Variants in CD58 observed in about 807,000 individuals in gnomAD.
CD58 encodes the protein CD58 molecule, also known as lymphocyte function-associated antigen 3.
In CD58, 14 loss-of-function variants were observed where a neutral mutation model predicts 27.6. That is an observed-to-expected ratio of 0.51 (90% CI 0.34 to 0.79). CD58 has a LOEUF of 0.79. Ranked by LOEUF, CD58 falls within the 30% of genes least tolerant of loss-of-function variation. CD58 has a pLI of 0.02. For missense variants in CD58, 268 were observed against 301.7 expected, an observed-to-expected ratio of 0.89 and a Z score of 0.83; for synonymous variants, 117 against 103.8, an observed-to-expected ratio of 1.13 and a Z score of -0.77.
intron 3 of CD58, among the ~76,000 whole-genome samples, chr1:116,525,599 A>C (rs1657403657): frequency 6.6e-6 from 1 of 152,234 alleles, no homozygotes; most frequent in South Asian, 2.1e-4. Context: ...CAGTTTTGTA[A>C]GAAACTGCCA....
chr1:116,535,486 C>T (rs1657764033), intron 3 of CD58, among the ~76,000 whole-genome samples: 1 of 152,174 alleles, frequency 6.6e-6, no homozygotes, highest in Non-Finnish European at 1.5e-5. Context: ...TAGAATGGTG[C>T]TCAACACAGA....
At chr1:116,539,996 G>A (rs1424094626) in intron 2 of CD58, among the ~76,000 whole-genome samples, 3 of 152,074 alleles carry the variant, frequency 2.0e-5, no homozygotes, top group South Asian at 4.1e-4. Flanking sequence ...ATATTTTCAC[G>A]AATTTTAGTA....
chr1:116,532,957 CGGCT>C lies in CD58; in HGVS notation c.628+3004_628+3007del. On this transcript the variant is annotated intron_variant, in intron 3 of 5. Coordinates refer to ENST00000369489, the MANE Select transcript of CD58 (RefSeq NM_001779.3). This position sits in a 1 kb window ranked among gnomAD's most constrained non-coding sequence, Gnocchi z 5.1. ...CTTCCTACTGCTGCTTGCATTCCGCCGGCTGGCTGGGTTCCTTGTTGGGATTAAT... is the reference window on the plus strand; with the variant it reads ...CTTCCTACTGCTGCTTGCATTCCGCCGGCTGGGTTCCTTGTTGGGATTAAT... 9.3e-7 allele frequency: 1 copy of C among 1,070,536 alleles called. No homozygotes were observed. Among genetic ancestry groups the C allele is most frequent in the Non-Finnish European group, 1.4e-6 (1 of 728,054 alleles). 66.3% of individuals were successfully genotyped at this position (1,070,536 alleles called of 1,614,324 possible).
At chr1:116,535,483 G>T (rs942642704) in intron 3 of CD58, among the ~76,000 whole-genome samples, 7 of 152,186 alleles carry the variant, frequency 4.6e-5, no homozygotes, top group African/African-American at 1.7e-4. Context: ...TATTAGAATG[G>T]TGCTCAACAC....
In CD58 at chr1:116,563,148, C is replaced by T. The variant is rs1253280956; in HGVS notation, c.70+7755G>A. Among the ~76,000 whole-genome samples the T allele has an allele frequency of 6.6e-6, 1 of 152,210 alleles. No individual in the cohort carries two copies. The highest frequency in any genetic ancestry group is 1.5e-5 in the Non-Finnish European group (1 of 68,036). ...AAAGGGCTACAGGCCCCATGCAAGT[C>T]CTAAATCCAATAGGGCAGTCTTAAA... is the stretch of plus-strand genomic sequence containing the variant. On this transcript the variant is annotated intron_variant, in intron 1 of 5. Transcript: ENST00000369489. This position sits in a 1 kb window ranked among gnomAD's most constrained non-coding sequence, Gnocchi z 4.1.
chr1:116,519,006 C>T lies in CD58; in HGVS notation c.743+225G>A, dbSNP rs1657180365. Reference sequence around the variant, plus strand: ...GGGGTATGATACTCCTCCTGCAAGGCTCATTGAGAGGGTTCCAGGAAACGA... The same window carrying T: ...GGGGTATGATACTCCTCCTGCAAGGTTCATTGAGAGGGTTCCAGGAAACGA... On this transcript the variant is annotated intron_variant, in intron 5 of 5. Transcript: ENST00000369489. This position sits in a 1 kb window ranked among gnomAD's most constrained non-coding sequence, Gnocchi z 4.7. The T allele has an allele frequency of 9.0e-7, 1 of 1,107,866 alleles. No homozygotes were observed. Among genetic ancestry groups the T allele is most frequent in the African/African-American group, 1.6e-5 (1 of 63,072 alleles). 68.6% of individuals were successfully genotyped at this position (1,107,866 alleles called of 1,614,324 possible).
rs556060349 is a variant in CD58, at chr1:116,517,357, C to T, written c.743+1874G>A. On this transcript the variant is annotated intron_variant, in intron 5 of 5. Coordinates refer to ENST00000369489, the MANE Select transcript of CD58 (RefSeq NM_001779.3). This position sits in a 1 kb window ranked among gnomAD's most constrained non-coding sequence, Gnocchi z 6.5. ...GGTCCTCCCAGCTTGGGTCTGTGGCCGGCTGAGCTGCCCCTTGTACTTCCT... is the reference window on the plus strand; with the variant it reads ...GGTCCTCCCAGCTTGGGTCTGTGGCTGGCTGAGCTGCCCCTTGTACTTCCT... Among the ~76,000 whole-genome samples the T allele has an allele frequency of 3.3e-5, 5 of 152,264 alleles. No individual in the cohort carries two copies. The highest frequency in any genetic ancestry group is 2.0e-4 in the Admixed American group (3 of 15,298).
Position 116,544,599 on chromosome 1 carries a change from T to C in CD58, c.76A>G (p.Ile26Val). The C allele has an allele frequency of 1.9e-6, 3 of 1,576,772 alleles. No homozygotes were observed. Among genetic ancestry groups the C allele is most frequent in the East Asian group, 4.5e-5 (2 of 44,430 alleles). ...TATATTTGTTGGGAAAAACAGCTGATGAAACCTAGGAGAGAAAAAAAAATT... is the reference window on the plus strand; with the variant it reads ...TATATTTGTTGGGAAAAACAGCTGACGAAACCTAGGAGAGAAAAAAAAATT... ...VVCLLHCFGFISCFSQQIYGV... is the reference protein window; with the variant it reads ...VVCLLHCFGFVSCFSQQIYGV... The change falls in exon 2 of 6, where the codon ATC becomes GTC. Residue 26 changes from isoleucine to valine, a missense_variant. Physicochemically the swap from Ile to Val is conservative, Grantham distance 29. Coordinates refer to ENST00000369489, the MANE Select transcript of CD58 (RefSeq NM_001779.3).
chr1:116,562,509 G>C (rs1571091403), intron 1 of CD58, among the ~76,000 whole-genome samples: 1 of 152,086 alleles, frequency 6.6e-6, no homozygotes, highest in Non-Finnish European at 1.5e-5. Context: ...GAGATGGGGT[G>C]TATTAGTCCA....
intron 1 of CD58, among the ~76,000 whole-genome samples, chr1:116,551,477 C>G (rs1658388617): frequency 6.6e-6 from 1 of 152,326 alleles, no homozygotes; most frequent in South Asian, 2.1e-4. Flanking sequence ...TCAGCCTTCA[C>G]AGAACTAAAG....
rs191789110 is a variant in CD58, at chr1:116,524,146, C to A, written c.629-2163G>T. 8.7e-4 allele frequency among the ~76,000 whole-genome samples: 132 copies of A among 152,248 alleles called. No individual in the cohort carries two copies. Among genetic ancestry groups the A allele is most frequent in the African/African-American group, 3.1e-3 (130 of 41,532 alleles). On this transcript the variant is annotated intron_variant, in intron 3 of 5. Coordinates refer to ENST00000369489, the MANE Select transcript of CD58 (RefSeq NM_001779.3). This position sits in a 1 kb window ranked among gnomAD's most constrained non-coding sequence, Gnocchi z 4.6. ...TACTCAAGGCTTATTTTAATGCATT[C>A]CATGCCCCAGGTATGGAATCAGCCA...
At chr1:116,560,801 T>C (rs1658727079) in intron 1 of CD58, among the ~76,000 whole-genome samples, 1 of 152,216 alleles carries the variant, frequency 6.6e-6, no homozygotes. Flanking sequence ...TGTTTTCCCC[T>C]CCTTTTCTAG....
Position 116,514,746 on chromosome 1 carries a change from A to T in CD58, c.*67T>A. ...TCAAAAATTGTAATACTCAAATGAG[A>T]AATCAGATGGCTTTTTAGTTTTTAA... On this transcript the variant is annotated 3_prime_UTR_variant, in exon 6 of 6. Transcript: ENST00000369489. 1 of 1,051,088 alleles carries T rather than the reference A, an allele frequency of 9.5e-7. No homozygotes were observed. Among genetic ancestry groups the T allele is most frequent in the South Asian group, 1.4e-5 (1 of 70,942 alleles). The allele number at this position is 1,051,088 out of a possible 1,614,324, so 65.1% of individuals were successfully genotyped here.
At chr1:116,530,341 G>T (rs1657560696) in intron 3 of CD58, among the ~76,000 whole-genome samples, 1 of 152,008 alleles carries the variant, frequency 6.6e-6, no homozygotes, top group Non-Finnish European at 1.5e-5. Flanking sequence ...AAGTAGCTGG[G>T]ACTACAGGTG....
In CD58 at chr1:116,546,549, C is replaced by A. The variant is rs1259163598; in HGVS notation, c.71-1945G>T. Among the ~76,000 whole-genome samples, 1 of 152,102 alleles carries A rather than the reference C, an allele frequency of 6.6e-6. No individual in the cohort carries two copies. The highest frequency in any genetic ancestry group is 2.4e-5 in the African/African-American group (1 of 41,412). On this transcript the variant is annotated intron_variant, in intron 1 of 5. Transcript: ENST00000369489. The surrounding 1 kb of genome is among the most constrained non-coding windows in gnomAD (Gnocchi z 4.1). ...TCTACCACACACAATAGTGGAAACT[C>A]AAAAATGTCTTATAAATGTAAATGA...
At chr1:116,549,679 T>A (rs970078581) in intron 1 of CD58, among the ~76,000 whole-genome samples, 1 of 152,236 alleles carries the variant, frequency 6.6e-6, no homozygotes, top group Non-Finnish European at 1.5e-5. Flanking sequence ...TCAGTCCTCT[T>A]ATCTGGGTGC....
chr1:116,515,021 G>A lies in CD58; in HGVS notation c.744-199C>T, dbSNP rs1463522067. 2.0e-5 allele frequency among the ~76,000 whole-genome samples: 3 copies of A among 152,198 alleles called. No homozygotes were observed. The highest frequency in any genetic ancestry group is 4.4e-5 in the Non-Finnish European group (3 of 68,036). On this transcript the variant is annotated intron_variant, in intron 5 of 5. Transcript: ENST00000369489. The surrounding 1 kb of genome is among the most constrained non-coding windows in gnomAD (Gnocchi z 4.6). ...GATAGTAGTCTGAGTAACACTTGAA[G>A]AACAGCCTTCAGGATGCTGCACTCA...
chr1:116,534,789 CAATA>C lies in CD58; in HGVS notation c.628+1172_628+1175del. Among the ~76,000 whole-genome samples, 1 of 152,182 alleles carries C rather than the reference CAATA, an allele frequency of 6.6e-6. No individual in the cohort carries two copies. The highest frequency in any genetic ancestry group is 1.5e-5 in the Non-Finnish European group (1 of 68,016). On this transcript the variant is annotated intron_variant, in intron 3 of 5. Coordinates refer to ENST00000369489, the MANE Select transcript of CD58 (RefSeq NM_001779.3). This position sits in a 1 kb window ranked among gnomAD's most constrained non-coding sequence, Gnocchi z 5.3. ...ATTGTTTGAAAGGGTTCAGAAAAGA[CAATA>C]AATGGGAGACTTAGAATGGCTCACC...
chr1:116,532,809 CACTTGA>C lies in CD58; in HGVS notation c.628+3150_628+3155del. ...AGGAAAAGTGAAAGTGAAAATCATG[CACTTGA>C]AAACGATTAGATGGAGTAAGCGCTG... On this transcript the variant is annotated intron_variant, in intron 3 of 5. Coordinates refer to ENST00000369489, the MANE Select transcript of CD58 (RefSeq NM_001779.3). This position sits in a 1 kb window ranked among gnomAD's most constrained non-coding sequence, Gnocchi z 5.1. 1.9e-6 allele frequency: 1 copy of C among 535,902 alleles called. No homozygotes were observed. The highest frequency in any genetic ancestry group is 3.4e-6 in the Non-Finnish European group (1 of 295,812). The allele number at this position is 535,902 out of a possible 1,614,324, so 33.2% of individuals were successfully genotyped here.
Sources: gnomAD v4.1 joint callset for allele counts (sites outside exome capture counted in the v4.1 genomes callset) on GRCh38, gnomAD v4.1.1 for gene constraint, Gnocchi (gnomAD v3.1) non-coding constraint, MANE v1.5 for transcripts, NCBI Gene and HGNC (gene_info 2026-07-23, HGNC 2026-07-21) for gene names.